The following MGLL variants were observed in gnomAD, a reference collection of about 807,000 sequenced individuals.
The protein encoded by MGLL is monoglyceride lipase.
MGLL carries 7 observed loss-of-function variants against 29.1 expected under a neutral mutation model. That is an observed-to-expected ratio of 0.24 (90% CI 0.14 to 0.45). The LOEUF is 0.45. Ranked by LOEUF, MGLL falls within the 20% of genes least tolerant of loss-of-function variation. The probability of loss-of-function intolerance (pLI) is 0.99; values close to 1 mark genes in which losing one functional copy is unlikely to be tolerated. For missense variants in MGLL, 356 were observed against 413.6 expected (o/e 0.86, Z 1.21); for synonymous variants, 148 against 168.3 (o/e 0.88, Z 0.93).
chr3:127,821,029 A>G (rs1427445681), intron 2 of MGLL, among the ~76,000 whole-genome samples: 2 of 152,234 alleles, frequency 1.3e-5, no homozygotes, highest in Non-Finnish European at 2.9e-5. Context: ...TCTTGTCACC[A>G]GGCCAATTGG....
At chr3:127,763,558 G>C (rs369395120) in intron 3 of MGLL, among the ~76,000 whole-genome samples, 2 of 152,164 alleles carry the variant, frequency 1.3e-5, no homozygotes, top group African/African-American at 2.4e-5. Context: ...TCTGGATCTC[G>C]GACCCTGCCC....
chr3:127,736,100 A>T, intron 3 of MGLL: 1 of 1,194,850 alleles, frequency 8.4e-7, no homozygotes, highest in Non-Finnish European at 1.0e-6. Flanking sequence ...AAACAGTGCT[A>T]GTTCCATTGT....
At chr3:127,754,674 C>T (rs1313059060) in intron 3 of MGLL, among the ~76,000 whole-genome samples, 1 of 152,186 alleles carries the variant, frequency 6.6e-6, no homozygotes, top group Non-Finnish European at 1.5e-5. Context: ...GCTTCTGAGG[C>T]TGGGTCGGGC....
At chr3:127,721,417 GCAAGTTAAACAATAACA>G (rs1182167892) in intron 4 of MGLL, among the ~76,000 whole-genome samples, 2 of 150,466 alleles carry the variant, frequency 1.3e-5, no homozygotes, top group East Asian at 3.9e-4. Flanking sequence ...CTTGTGGGCC[GCAAGTTAAACAATAACA>G]CATTCCCACT....
chr3:127,821,614 A>C (rs1209697812), intron 2 of MGLL, 80 bp downstream of exon 2: 1 of 1,549,854 alleles, frequency 6.5e-7, no homozygotes, highest in East Asian at 2.2e-5. Flanking sequence ...CCCGCCCCAG[A>C]TGGCACATGA....
chr3:127,695,290 G>C (rs907136670), intron 6 of MGLL, 100 bp from the exon 7 acceptor site: 1 of 1,245,316 alleles, frequency 8.0e-7, no homozygotes, highest in Non-Finnish European at 1.1e-6. Flanking sequence ...TGGCCTGAAG[G>C]GTTGATTCCA....
chr3:127,742,884 G>A (rs1397392721), intron 3 of MGLL, among the ~76,000 whole-genome samples: 4 of 152,128 alleles, frequency 2.6e-5, no homozygotes, highest in Non-Finnish European at 4.4e-5. Context: ...GCGGGATCTC[G>A]GCTCACTGCA....
intron 4 of MGLL, 83 bp downstream of exon 4, chr3:127,722,347 G>A (rs1423768600): frequency 6.3e-7 from 1 of 1,578,330 alleles, no homozygotes; most frequent in Non-Finnish European, 8.7e-7. Context: ...GCAGTGGGGG[G>A]CAGGAAGTCA....
chr3:127,748,627 A>G (rs897703108), intron 3 of MGLL, among the ~76,000 whole-genome samples: 2 of 151,854 alleles, frequency 1.3e-5, no homozygotes, highest in African/African-American at 4.8e-5. Context: ...CCATGTGAGG[A>G]CACAGGGAGA....
At chr3:127,792,994 G>A (rs1220772539) in intron 2 of MGLL, among the ~76,000 whole-genome samples, 1 of 152,164 alleles carries the variant, frequency 6.6e-6, no homozygotes, top group African/African-American at 2.4e-5. Flanking sequence ...CCCACCCAGG[G>A]GTCATGACTC....
At chr3:127,692,363 A>G (rs116367069) in intron 7 of MGLL, 40 bp from the exon 8 acceptor site, 46,412 of 1,612,892 alleles carry the variant, frequency 0.029, 805 homozygotes, top group South Asian at 0.046. Context: ...CTGCACCATC[A>G]GAGGCAGGTG....
At chr3:127,715,894 C>T (rs1174975828) in intron 5 of MGLL, 1 of 449,878 alleles carries the variant, frequency 2.2e-6, no homozygotes, top group Admixed American at 2.4e-5. Context: ...ATTCTTGATG[C>T]CTTTTCCATC....
intron 2 of MGLL, among the ~76,000 whole-genome samples, chr3:127,814,142 T>C (rs1352652757): frequency 1.3e-5 from 2 of 152,080 alleles, no homozygotes; most frequent in Non-Finnish European, 2.9e-5. Context: ...CAAGAGACTT[T>C]GCGGAACATC....
intron 2 of MGLL, among the ~76,000 whole-genome samples, chr3:127,809,898 G>A (rs751995514): frequency 2.6e-5 from 4 of 152,110 alleles, no homozygotes; most frequent in Admixed American, 2.6e-4. Flanking sequence ...CATCCACCAC[G>A]GAACCACAGA....
intron 2 of MGLL, among the ~76,000 whole-genome samples, chr3:127,811,278 A>G (rs540178860): frequency 1.3e-5 from 2 of 152,208 alleles, no homozygotes; most frequent in Non-Finnish European, 2.9e-5. Flanking sequence ...AAACTCTACA[A>G]GAGGCATGTG....
At chr3:127,774,146 TTCTG>T (rs1036253065) in intron 3 of MGLL, among the ~76,000 whole-genome samples, 1 of 152,218 alleles carries the variant, frequency 6.6e-6, no homozygotes, top group African/African-American at 2.4e-5. Flanking sequence ...TCACCTGCTG[TTCTG>T]TCTAAGCTCT....
intron 5 of MGLL, among the ~76,000 whole-genome samples, chr3:127,719,251 C>G (rs1336366173): frequency 6.6e-6 from 1 of 152,244 alleles, no homozygotes; most frequent in African/African-American, 2.4e-5. Flanking sequence ...GCCCAGCTGC[C>G]AGGTCCCCCT....
At chr3:127,774,740 A>AG (rs1386575343) in intron 3 of MGLL, among the ~76,000 whole-genome samples, 1 of 150,802 alleles carries the variant, frequency 6.6e-6, no homozygotes, top group African/African-American at 2.5e-5. Flanking sequence ...CAGCACCCCC[A>AG]GGGGCTGTTA....
intron 2 of MGLL, among the ~76,000 whole-genome samples, chr3:127,792,134 A>G (rs2107724291): frequency 6.6e-6 from 1 of 152,270 alleles, no homozygotes; most frequent in East Asian, 1.9e-4. Flanking sequence ...TCAAATCTAT[A>G]TGTCTAGGTC....
Sources: allele counts gnomAD v4.1 joint callset (sites outside exome capture counted in the v4.1 genomes callset), GRCh38; gene constraint gnomAD v4.1.1; transcripts MANE v1.5; gene names NCBI Gene and HGNC (gene_info 2026-07-23, HGNC 2026-07-21).